Variants in SIN3B observed in about 807,000 individuals in gnomAD.
SIN3B encodes the protein paired amphipathic helix protein Sin3b.
In SIN3B, 19 loss-of-function variants were observed where a neutral mutation model predicts 120.2. The observed-to-expected ratio is 0.16, with a 90% CI of 0.11 to 0.23. The LOEUF is 0.23. SIN3B is among the 10% of genes least tolerant of loss of function. The probability of loss-of-function intolerance (pLI) is 1.00; values close to 1 mark genes in which losing one functional copy is unlikely to be tolerated. For missense variants in SIN3B, 1,073 were observed against 1,573.0 expected (o/e 0.68, Z 5.38); for synonymous variants, 654 against 653.2 (o/e 1.00, Z -0.02).
chr19:16,871,177 G>T (rs138784340), intron 13 of SIN3B, 52 bp from the exon 14 acceptor site: 34 of 1,611,470 alleles, frequency 2.1e-5, no homozygotes, highest in Non-Finnish European at 8.5e-6. Context: ...TTTGGCCTGC[G>T]TGACTTTGCG....
At position 16,853,105 on chromosome 19, in the gene SIN3B, A is replaced by G; in HGVS notation, c.886A>G (p.Ile296Val). 1.2e-6 allele frequency: 2 copies of G among 1,614,228 alleles called. No individual in the cohort carries two copies. Among genetic ancestry groups the G allele is most frequent in the South Asian group, 1.1e-5 (1 of 91,092 alleles). ...MKLRGTKDLS[I>V]AAVGKYGTLQ... ...ACTTCGTGGTACCAAAGACCTGTCC[A>G]TCGCTGCAGTGGGGAAGTACGGGAC... The change falls in exon 7 of 19, where the codon ATC becomes GTC. Residue 296 changes from isoleucine to valine, a missense_variant. Ile to Val is a conservative substitution (Grantham distance 29). Transcript: ENST00000248054.
chr19:16,875,181 T>TTGGTC lies in SIN3B; in HGVS notation c.2593-851_2593-847dup, dbSNP rs371846558. 6.2e-3 allele frequency among the ~76,000 whole-genome samples: 880 copies of TTGGTC among 142,836 alleles called. 6 individuals are homozygous for TTGGTC. The highest frequency in any genetic ancestry group is 0.021 in the African/African-American group (800 of 37,496). 93.7% of individuals were successfully genotyped at this position (142,836 alleles called of 152,430 possible). On this transcript the variant is annotated intron_variant, in intron 14 of 18. Transcript: ENST00000248054. Reference sequence around the variant, plus strand: ...TTGGGTCTGGTCTGGTCTGGTCTGTTTGGTCTGGTCTGGTCTGGTCTGGTC... The same window carrying TTGGTC: ...TTGGGTCTGGTCTGGTCTGGTCTGTTTGGTCTGGTCTGGTCTGGTCTGGTCTGGTC...
intron 3 of SIN3B, among the ~76,000 whole-genome samples, chr19:16,832,018 C>T (rs1452331767): frequency 6.6e-6 from 1 of 152,154 alleles, no homozygotes; most frequent in Non-Finnish European, 1.5e-5. Context: ...ATGTCCTCGT[C>T]TGCCTCTGAT....
chr19:16,858,804 G>T (rs1424076349), intron 8 of SIN3B, among the ~76,000 whole-genome samples: 2 of 152,146 alleles, frequency 1.3e-5, no homozygotes, highest in African/African-American at 4.8e-5. Flanking sequence ...AAAAAAATTA[G>T]CCAGACATGG....
At chr19:16,866,279 C>A in intron 11 of SIN3B, 94 bp from the exon 12 acceptor site, 1 of 1,295,434 alleles carries the variant, frequency 7.7e-7, no homozygotes, top group Non-Finnish European at 1.1e-6. Flanking sequence ...CCTGGACCCC[C>A]AGTCAAGTCC....
At chr19:16,857,515 A>AATGTGTGTGTG (rs1491555514) in intron 8 of SIN3B, among the ~76,000 whole-genome samples, 98 of 62,218 alleles carry the variant, frequency 1.6e-3, no homozygotes, top group Non-Finnish European at 3.2e-3. Flanking sequence ...CTTAAAAAAA[A>AATGTGTGTGTG]TATGTGTGTG....
intron 16 of SIN3B, 187 bp from the exon 17 acceptor site, chr19:16,877,356 GTC>G (rs946373156): frequency 1.7e-6 from 1 of 580,456 alleles, no homozygotes; most frequent in African/African-American, 1.9e-5. Context: ...CTGTCACTGG[GTC>G]CTCTGTCAAG....
intron 3 of SIN3B, among the ~76,000 whole-genome samples, chr19:16,834,309 T>G (rs1599586944): frequency 6.6e-6 from 1 of 152,308 alleles, no homozygotes; most frequent in East Asian, 1.9e-4. Context: ...AGTGAAAAGA[T>G]GTGAACTGTG....
intron 3 of SIN3B, among the ~76,000 whole-genome samples, chr19:16,839,220 A>G (rs1202478500): frequency 6.6e-6 from 1 of 151,718 alleles, no homozygotes; most frequent in African/African-American, 2.4e-5. Context: ...TGTCCACCTC[A>G]ACCTCCCAAA....
chr19:16,843,643 G>T (rs1166265385), intron 4 of SIN3B, among the ~76,000 whole-genome samples: 1 of 152,174 alleles, frequency 6.6e-6, no homozygotes, highest in Non-Finnish European at 1.5e-5. Context: ...AAAGGAAGGG[G>T]CAGGTTAAAG....
intron 10 of SIN3B, 104 bp from the exon 11 acceptor site, chr19:16,865,306 A>ACG (rs763765834): frequency 5.2e-6 from 2 of 385,252 alleles, no homozygotes; most frequent in Non-Finnish European, 9.9e-6. Context: ...AAATACACAC[A>ACG]CCCCCCCCCC....
chr19:16,832,928 A>G (rs548576582), intron 3 of SIN3B, among the ~76,000 whole-genome samples: 2 of 152,164 alleles, frequency 1.3e-5, no homozygotes, highest in African/African-American at 2.4e-5. Context: ...CCTCAACACT[A>G]TTTCCCATTT....
At position 16,869,811 on chromosome 19, in the gene SIN3B, C is replaced by T. The variant is rs1455732655; in HGVS notation, c.2158C>T (p.Pro720Ser). The T allele has an allele frequency of 5.0e-6, 8 of 1,613,782 alleles. No individual in the cohort carries two copies. The Admixed American group carries it at 6.7e-5, about 13-fold the overall frequency. ...GGAGAAGGGGGCCTTCGGGGATGCC[C>T]CGGCCACTGAGCAGCCACCCCTGCC... is the stretch of plus-strand genomic sequence containing the variant. Reference protein sequence around the residue: ...PEEKGAFGDAPATEQPPLPPP... With the variant: ...PEEKGAFGDASATEQPPLPPP... The change falls in exon 13 of 19, where the codon CCG becomes TCG. Residue 720 changes from proline to serine, a missense_variant. Pro to Ser is a moderately conservative substitution (Grantham distance 74). This residue lies in a region of SIN3B where 169 missense variants were observed against 207.3 expected (regional missense o/e 0.82). Transcript: ENST00000248054.
chr19:16,866,464 C>G lies in SIN3B; in HGVS notation c.1714C>G (p.Leu572Val), dbSNP rs1352271750. Reference protein sequence around the residue: ...EQYEKAYLKSLDHQAVNFKQN... With the variant: ...EQYEKAYLKSVDHQAVNFKQN... ...GTATGAGAAGGCGTACCTCAAGTCC[C>G]TTGACCACCAGGCTGTGAACTTCAA... The change falls in exon 12 of 19, where the codon CTT becomes GTT. Residue 572 changes from leucine to valine, a missense_variant. Leu to Val is a conservative substitution (Grantham distance 32). Coordinates refer to ENST00000248054, the MANE Select transcript of SIN3B (RefSeq NM_001297595.2). The G allele has an allele frequency of 1.2e-6, 2 of 1,613,966 alleles. No homozygotes were observed. Among genetic ancestry groups the G allele is most frequent in the African/African-American group, 1.3e-5 (1 of 75,038 alleles).
At chr19:16,843,435 C>A (rs560199859) in intron 4 of SIN3B, among the ~76,000 whole-genome samples, 1 of 152,358 alleles carries the variant, frequency 6.6e-6, no homozygotes, top group South Asian at 2.1e-4. Flanking sequence ...GCCTTAGCAT[C>A]TGTGAGAGGC....
intron 3 of SIN3B, among the ~76,000 whole-genome samples, chr19:16,837,051 G>C (rs1971357900): frequency 6.6e-6 from 1 of 152,172 alleles, no homozygotes; most frequent in South Asian, 2.1e-4. Context: ...AGAGGGCAGA[G>C]AGAGGATGGA....
At chr19:16,836,962 C>A (rs56056803) in intron 3 of SIN3B, among the ~76,000 whole-genome samples, 27 of 152,206 alleles carry the variant, frequency 1.8e-4, no homozygotes, top group Non-Finnish European at 3.7e-4. Flanking sequence ...TATTCAGAGG[C>A]CCTGCTTTCA....
chr19:16,831,273 G>C (rs1291425940), intron 2 of SIN3B, among the ~76,000 whole-genome samples: 2 of 152,070 alleles, frequency 1.3e-5, no homozygotes, highest in Non-Finnish European at 1.5e-5. Context: ...ATGTTGACCA[G>C]TCTGGTCTCG....
At chr19:16,839,907 C>T (rs1158633696) in intron 3 of SIN3B, among the ~76,000 whole-genome samples, 1 of 152,080 alleles carries the variant, frequency 6.6e-6, no homozygotes, top group East Asian at 1.9e-4. Context: ...ATCCCAGCTA[C>T]TCAGGAGAAT....
Sources: allele counts gnomAD v4.1 joint callset (sites outside exome capture counted in the v4.1 genomes callset), GRCh38; gene constraint gnomAD v4.1.1; regional missense constraint gnomAD v4.1.1; transcripts MANE v1.5; gene names NCBI Gene and HGNC (gene_info 2026-07-23, HGNC 2026-07-21).